SLC7A3: variants seen among roughly 807,000 people sequenced by gnomAD.
SLC7A3 encodes cationic amino acid transporter 3.
In SLC7A3, 3 loss-of-function variants were observed where a neutral mutation model predicts 33.2. That is an observed-to-expected ratio of 0.09 (90% CI 0.04 to 0.23). The LOEUF is 0.23. Ranked by LOEUF, SLC7A3 falls within the 10% of genes least tolerant of loss-of-function variation. The pLI is 1.00. For synonymous variants in SLC7A3, 193 were observed against 195.1 expected (o/e 0.99, Z 0.09); for missense variants, 360 against 488.8 (o/e 0.74, Z 2.48).
rs376521997 is a variant in SLC7A3, at chrX:70,929,796, T to C, written c.202A>G (p.Ile68Val). Residue 68 changes from isoleucine to valine, a missense_variant, in exon 2 of 12, where the codon ATC becomes GTC. Ile to Val is a conservative substitution (Grantham distance 29, BLOSUM62 3). Transcript: ENST00000374299. ...GACAGGGCAGCCACCAAAAAGCAGA[T>C]CACAATGGATGGCCCTGCTTTATCT... ...AKDKAGPSIVICFLVAALSSV... is the reference protein window; with the variant it reads ...AKDKAGPSIVVCFLVAALSSV... The C allele has an allele frequency of 9.9e-6, 12 of 1,208,025 alleles. No individual in the cohort carries two copies. The highest frequency in any genetic ancestry group is 2.3e-4 in the Middle Eastern group (1 of 4,369).
In SLC7A3 at chrX:70,927,273, G is replaced by T. The variant is rs775866454; in HGVS notation, c.1286+9C>A. On this transcript the variant is annotated intron_variant, in intron 8 of 11. Coordinates refer to ENST00000374299, the MANE Select transcript of SLC7A3 (RefSeq NM_032803.6). The stretch of plus-strand genomic sequence containing the variant: ...ATCCAAATCACAGTATGCAGAGGAA[G>T]AGTCTCACCTGAGGATGAGAACACA... The T allele has an allele frequency of 1.7e-6, 2 of 1,196,892 alleles. No individual in the cohort carries two copies. Among genetic ancestry groups the T allele is most frequent in the Non-Finnish European group, 1.1e-6 (1 of 884,548 alleles).
chrX:70,927,685 T>C, intron 6 of SLC7A3, 62 bp from the exon 7 acceptor site: 2 of 1,177,151 alleles, frequency 1.7e-6, no homozygotes, highest in East Asian at 3.1e-5. Flanking sequence ...CAAGACTGTA[T>C]GTTTAAAGAG....
At chrX:70,926,730 C>G in intron 9 of SLC7A3, 37 bp from the exon 10 acceptor site, 1 of 1,170,920 alleles carries the variant, frequency 8.5e-7, no homozygotes, top group Non-Finnish European at 1.1e-6. Flanking sequence ...AAAACCAACT[C>G]TTAAGACCAA....
intron 10 of SLC7A3, among the ~76,000 whole-genome samples, 153 bp from the exon 11 acceptor site, chrX:70,926,331 G>C (rs773414075): frequency 6.3e-5 from 7 of 111,858 alleles, no homozygotes; most frequent in Non-Finnish European, 1.3e-4. Context: ...GAGACTCCAA[G>C]AATATGCAGT....
intron 11 of SLC7A3, 40 bp from the exon 12 acceptor site, chrX:70,925,983 C>T: frequency 2.5e-6 from 3 of 1,209,960 alleles, no homozygotes; most frequent in Non-Finnish European, 1.1e-6. Flanking sequence ...GGTGTAAAGG[C>T]TTCATAGGTT....
At chrX:70,925,982 G>T (rs749790512) in intron 11 of SLC7A3, 39 bp from the exon 12 acceptor site, 14 of 1,209,910 alleles carry the variant, frequency 1.2e-5, no homozygotes, top group Non-Finnish European at 1.5e-5. Flanking sequence ...GGGTGTAAAG[G>T]CTTCATAGGT....
chrX:70,929,606 TC>T, intron 2 of SLC7A3, 21 bp downstream of exon 2: 1 of 1,191,097 alleles, frequency 8.4e-7, no homozygotes, highest in African/African-American at 1.8e-5. Flanking sequence ...TGCAGTTCCC[TC>T]CCTCCCCCAC....
At chrX:70,926,407 C>A (rs944478318) in intron 10 of SLC7A3, 120 bp downstream of exon 10, 82 of 874,306 alleles carry the variant, frequency 9.4e-5, no homozygotes, top group Non-Finnish European at 2.0e-5. Flanking sequence ...CTAGGTACCT[C>A]CTATATCTTC....
rs143349209 is a variant in SLC7A3, at chrX:70,927,996, C to T, written c.845G>A (p.Arg282His). The change falls in exon 6 of 12, where the codon CGT becomes CAT. Residue 282 changes from arginine to histidine, a missense_variant. Coordinates refer to ENST00000374299, the MANE Select transcript of SLC7A3 (RefSeq NM_032803.6). The stretch of plus-strand genomic sequence containing the variant: ...GATCACAATGCCCATCGGGATGGAA[C>T]GCTGGGGATTCTGGGCTTCTTCTCC... ...TTGEEAQNPQ[R>H]SIPMGIVISL... 158 of 1,209,475 alleles carry T rather than the reference C, an allele frequency of 1.3e-4. No individual in the cohort carries two copies. In the African/African-American group the frequency reaches 2.1e-3, roughly 16 times the overall value.
rs770362441 is a variant in SLC7A3, at chrX:70,929,707, T to A, written c.291A>T (p.Ala97=). 8.3e-7 allele frequency: 1 copy of A among 1,211,082 alleles called. No homozygotes were observed. The highest frequency in any genetic ancestry group is 1.1e-6 in the Non-Finnish European group (1 of 895,329). The change falls in exon 2 of 12, where the codon GCA becomes GCT. Residue 97 remains alanine, a synonymous_variant. Transcript: ENST00000374299. The part of the protein sequence containing the change: ...FGARVPRSGS[A]YLYSYVTVGE... The stretch of plus-strand genomic sequence containing the variant: ...CCACAGTGACATAGCTGTAGAGATA[T>A]GCCGAACCAGAACGGGGAACCCGGG...
Position 70,928,826 on chromosome X carries a change from C to A in SLC7A3, c.529+18G>T, listed in dbSNP as rs775445094. ...TCCTGGCCCAACCCCCACCATTATA[C>A]CCTGCTCTTTGCCTCACCAGTGAGC... On this transcript the variant is annotated intron_variant, in intron 3 of 11. Transcript: ENST00000374299. The A allele has an allele frequency of 8.3e-7, 1 of 1,208,600 alleles. No individual in the cohort carries two copies. The highest frequency in any genetic ancestry group is 1.8e-5 in the South Asian group (1 of 56,627).
Position 70,925,679 on chromosome X carries a change from A to G in SLC7A3, c.*134T>C, listed in dbSNP as rs961895601. On this transcript the variant is annotated 3_prime_UTR_variant, in exon 12 of 12. Transcript: ENST00000374299. Reference sequence around the variant, plus strand: ...TTAAAATAGACAAGAAATAGCAAAGACACATCCTTCACATCGTACAGAACT... The same window carrying G: ...TTAAAATAGACAAGAAATAGCAAAGGCACATCCTTCACATCGTACAGAACT... 7 of 706,607 alleles carry G rather than the reference A, an allele frequency of 9.9e-6. 1 individual carries two copies. The highest frequency in any genetic ancestry group is 4.3e-5 in the African/African-American group (2 of 46,821). The allele number at this position is 706,607 out of a possible 1,213,427, so 58.2% of individuals were successfully genotyped here. A position where few individuals can be genotyped will look rare whatever the true frequency, so the allele number is the denominator to read the frequency against.
Position 70,925,918 on chromosome X carries a change from C to A in SLC7A3, c.1755G>T (p.Gly585=). 1 of 1,211,423 alleles carries A rather than the reference C, an allele frequency of 8.3e-7. No individual in the cohort carries two copies. Residue 585 remains glycine, a synonymous_variant, in exon 12 of 12, where the codon GGG becomes GGT. Coordinates refer to ENST00000374299, the MANE Select transcript of SLC7A3 (RefSeq NM_032803.6). Reference sequence around the variant, plus strand: ...TAATCTCTTCCAGGCTGTGCTGGATCCCATAGCCGAAGTAGATAGCAAAGC... The same window carrying A: ...TAATCTCTTCCAGGCTGTGCTGGATACCATAGCCGAAGTAGATAGCAAAGC... The part of the protein sequence containing the change: ...LIGFAIYFGY[G]IQHSLEEIKS...
In SLC7A3 at chrX:70,928,620, G is replaced by C. The variant is rs914366791; in HGVS notation, c.543C>G (p.Leu181=). The C allele has an allele frequency of 1.7e-6, 2 of 1,201,892 alleles. No individual in the cohort carries two copies. Among genetic ancestry groups the C allele is most frequent in the East Asian group, 3.0e-5 (1 of 33,687 alleles). Residue 181 remains leucine (L), a synonymous_variant, in exon 4 of 12, where the codon CTC becomes CTG. Coordinates refer to ENST00000374299, the MANE Select transcript of SLC7A3 (RefSeq NM_032803.6). ...TAACCAGGGCCGACTCACTAGCCCC[G>C]AGAGCCAACAATCCTGTGGGAGAAA... is the stretch of plus-strand genomic sequence containing the variant. The part of the protein sequence containing the change: ...LVLLLTGLLA[L]GASESALVTK...
At position 70,930,008 on chromosome X, in the gene SLC7A3, A is replaced by T; in HGVS notation, c.-11T>A. 1 of 1,188,557 alleles carries T rather than the reference A, an allele frequency of 8.4e-7. No homozygotes were observed. Among genetic ancestry groups the T allele is most frequent in the African/African-American group, 1.7e-5 (1 of 57,345 alleles). On this transcript the variant is annotated 5_prime_UTR_variant, in exon 2 of 12. Coordinates refer to ENST00000374299, the MANE Select transcript of SLC7A3 (RefSeq NM_032803.6). The stretch of plus-strand genomic sequence containing the variant: ...TGCTTGCCACGGCATCCTAGCAGGA[A>T]TTGAAGAAGATGATCTGGTGAAAAA...
rs1330339881 is a variant in SLC7A3 at position 70,926,187 on chromosome X, A to G, written c.1621-9T>C. ...AGAGGCAAAGCAGGCACCTGAAAAC[A>G]AAGTAAAATCTTCTTTGTACATACC... On this transcript the variant is annotated splice_polypyrimidine_tract_variant and intron_variant, in intron 10 of 11. Transcript: ENST00000374299. 8.4e-7 allele frequency: 1 copy of G among 1,186,752 alleles called. No homozygotes were observed. Among genetic ancestry groups the G allele is most frequent in the African/African-American group, 1.8e-5 (1 of 56,768 alleles).
chrX:70,927,384 G>A lies in SLC7A3; in HGVS notation c.1184C>T (p.Ala395Val). ...GAGTTTGAAGAGGAATGCCATGAAT[G>A]CTAAAATTAATAGGCAGGAAACAAG... ...IATVVSGIIA[A>V]FMAFLFKLTD... The change falls in exon 8 of 12, where the codon GCA (alanine) becomes GTA (valine). Residue 395 changes from alanine (A) to valine (V), a missense_variant and splice_region_variant. Coordinates refer to ENST00000374299, the MANE Select transcript of SLC7A3 (RefSeq NM_032803.6). 1 of 1,210,166 alleles carries A rather than the reference G, an allele frequency of 8.3e-7. No individual in the cohort carries two copies. The highest frequency in any genetic ancestry group is 1.1e-6 in the Non-Finnish European group (1 of 894,416).
intron 4 of SLC7A3, 57 bp downstream of exon 4, chrX:70,928,399 T>G: frequency 1.8e-6 from 2 of 1,113,288 alleles, no homozygotes; most frequent in South Asian, 2.1e-5. Context: ...CTTCAGCAGA[T>G]CCCCTTCTTC....
At chrX:70,930,931 C>A (rs2034257695) in intron 1 of SLC7A3, 46 bp downstream of exon 1, 1 of 111,399 alleles carries the variant, frequency 9.0e-6, no homozygotes, top group Non-Finnish European at 1.9e-5. Context: ...ACGCCCGGAC[C>A]CTCGCCGTCC....
Sources: allele counts gnomAD v4.1 joint callset (sites outside exome capture counted in the v4.1 genomes callset), GRCh38; gene constraint gnomAD v4.1.1; transcripts MANE v1.5; gene names NCBI Gene and HGNC (gene_info 2026-07-23, HGNC 2026-07-21).